TNKS: variants seen among roughly 807,000 people sequenced by gnomAD.
TNKS encodes the protein tankyrase, also known as poly [ADP-ribose] polymerase tankyrase-1.
A neutral mutation model predicts 135.8 loss-of-function variants in TNKS; 72 were observed. That is an observed-to-expected ratio of 0.53 (90% CI 0.44 to 0.64). The LOEUF (loss-of-function observed/expected upper bound fraction) is 0.64, where lower values mean the gene tolerates loss of function less well. Among genes scored for constraint, TNKS ranks in the 30% least tolerant of loss-of-function variants. The probability of loss-of-function intolerance (pLI) is 0.00; values close to 1 mark genes in which losing one functional copy is unlikely to be tolerated. For missense variants in TNKS, 1,769 were observed against 1,674.0 expected, an observed-to-expected ratio of 1.06 and a Z score of -0.99; for synonymous variants, 849 against 649.3, an observed-to-expected ratio of 1.31 and a Z score of -4.68.
intron 5 of TNKS, chr8:9,681,106 A>T (rs539737868): frequency 4.6e-6 from 1 of 215,062 alleles, no homozygotes; most frequent in East Asian, 9.9e-5. Flanking sequence ...ATGATAATGG[A>T]AACTGGAAAT....
At chr8:9,664,839 A>G (rs762579984) in intron 3 of TNKS, among the ~76,000 whole-genome samples, 1 of 152,224 alleles carries the variant, frequency 6.6e-6, no homozygotes, top group African/African-American at 2.4e-5. Context: ...GAGGTTAGCT[A>G]ATCTAACCTT....
chr8:9,662,849 C>T (rs1009072105), intron 3 of TNKS, among the ~76,000 whole-genome samples: 2 of 152,176 alleles, frequency 1.3e-5, no homozygotes, highest in African/African-American at 4.8e-5. Flanking sequence ...CTGCCATTTA[C>T]TAGTTGTGGT....
intron 5 of TNKS, among the ~76,000 whole-genome samples, chr8:9,701,185 C>T (rs1048657138): frequency 5.3e-5 from 8 of 152,162 alleles, no homozygotes; most frequent in Non-Finnish European, 1.0e-4. Context: ...GATCCGCCCG[C>T]CTCAGCCTCC....
chr8:9,770,997 C>T (rs1430072307), intron 26 of TNKS, among the ~76,000 whole-genome samples: 1 of 152,066 alleles, frequency 6.6e-6, no homozygotes, highest in Non-Finnish European at 1.5e-5. Flanking sequence ...AAGAAAGACT[C>T]TAAGGGTGGA....
chr8:9,764,310 A>G (rs1035347231), intron 22 of TNKS, among the ~76,000 whole-genome samples: 9 of 152,102 alleles, frequency 5.9e-5, no homozygotes, highest in African/African-American at 1.9e-4. Context: ...TTGAGATAAT[A>G]TGGAATATTT....
chr8:9,655,646 C>T (rs958087684), intron 3 of TNKS, among the ~76,000 whole-genome samples: 10 of 152,168 alleles, frequency 6.6e-5, no homozygotes, highest in African/African-American at 2.4e-4. Context: ...CTGGAGTGGA[C>T]CTCCAGCAAA....
intron 3 of TNKS, among the ~76,000 whole-genome samples, chr8:9,650,553 A>G (rs1216294759): frequency 6.6e-6 from 1 of 152,030 alleles, no homozygotes; most frequent in African/African-American, 2.4e-5. Context: ...TTTAATTTGC[A>G]TTTCCCTGAT....
chr8:9,697,231 G>A (rs949709631), intron 5 of TNKS, among the ~76,000 whole-genome samples: 1 of 152,184 alleles, frequency 6.6e-6, no homozygotes, highest in African/African-American at 2.4e-5. Context: ...ATAGTGCTGG[G>A]ATAGTTGGCT....
intron 12 of TNKS, among the ~76,000 whole-genome samples, chr8:9,722,928 A>G (rs1804964680): frequency 6.8e-6 from 1 of 146,518 alleles, no homozygotes; most frequent in Non-Finnish European, 1.5e-5. Flanking sequence ...CAGTTAGAAT[A>G]TATGAGTTCT....
At chr8:9,715,664 C>T (rs1482569550) in intron 11 of TNKS, among the ~76,000 whole-genome samples, 1 of 152,056 alleles carries the variant, frequency 6.6e-6, no homozygotes, top group East Asian at 1.9e-4. Context: ...GGCTGTGGCT[C>T]TAGAGGGGAA....
intron 20 of TNKS, among the ~76,000 whole-genome samples, chr8:9,754,795 A>G (rs980373430): frequency 6.6e-6 from 1 of 152,140 alleles, no homozygotes; most frequent in Non-Finnish European, 1.5e-5. Flanking sequence ...CTTTGCGTCT[A>G]ATGGTTAGGA....
In TNKS at chr8:9,748,213, G is replaced by A; in HGVS notation, c.2832+1G>A. 1 of 1,532,372 alleles carries A rather than the reference G, an allele frequency of 6.5e-7. No homozygotes were observed. Among genetic ancestry groups the A allele is most frequent in the Non-Finnish European group, 8.8e-7 (1 of 1,137,430 alleles). 94.9% of individuals were successfully genotyped at this position (1,532,372 alleles called of 1,614,324 possible). ...CCAGACGCCTCTGGATCTGGCAACAGTAAGTCCTCATTTCAGATACTGATT... is the reference window on the plus strand; with the variant it reads ...CCAGACGCCTCTGGATCTGGCAACAATAAGTCCTCATTTCAGATACTGATT... On this transcript the variant is annotated splice_donor_variant, in intron 18 of 26. Coordinates refer to ENST00000310430, the MANE Select transcript of TNKS (RefSeq NM_003747.3). LOFTEE classifies it high-confidence loss of function.
chr8:9,759,683 G>C (rs1342362084), intron 20 of TNKS, among the ~76,000 whole-genome samples: 2 of 152,084 alleles, frequency 1.3e-5, no homozygotes, highest in Admixed American at 6.5e-5. Context: ...ATCCAGAAAA[G>C]TCTGACGAGG....
Position 9,781,622 on chromosome 8 carries a change from G to C in TNKS, c.*4886G>C, listed in dbSNP as rs1808460230. On this transcript the variant is annotated 3_prime_UTR_variant, in exon 27 of 27. Coordinates refer to ENST00000310430, the MANE Select transcript of TNKS (RefSeq NM_003747.3). The stretch of plus-strand genomic sequence containing the variant: ...CTCATCTTATCTTTGTAGTAGTAAT[G>C]TTTGTCTTTGATACCTACAAACTAA... The C allele has an allele frequency of 6.5e-6, 1 of 152,672 alleles. No individual in the cohort carries two copies. The highest frequency in any genetic ancestry group is 2.4e-5 in the African/African-American group (1 of 41,546). The allele number at this position is 152,672 out of a possible 1,614,324, so 9.5% of individuals were successfully genotyped here.
intron 2 of TNKS, among the ~76,000 whole-genome samples, chr8:9,587,936 T>C (rs1798450986): frequency 6.6e-6 from 1 of 152,192 alleles, no homozygotes; most frequent in Non-Finnish European, 1.5e-5. Context: ...TAAAACTGCT[T>C]TCTTGGAAAT....
intron 19 of TNKS, 81 bp downstream of exon 19, chr8:9,751,927 G>T: frequency 7.9e-7 from 1 of 1,258,324 alleles, no homozygotes; most frequent in East Asian, 2.3e-5. Context: ...GATAACTATT[G>T]AATGCCTCAA....
At chr8:9,592,063 GC>G (rs1798610049) in intron 2 of TNKS, among the ~76,000 whole-genome samples, 1 of 152,086 alleles carries the variant, frequency 6.6e-6, no homozygotes, top group Non-Finnish European at 1.5e-5. Flanking sequence ...AACAGTAAAA[GC>G]CAGGTGGACT....
At chr8:9,637,657 A>T (rs538489367) in intron 3 of TNKS, among the ~76,000 whole-genome samples, 3 of 152,200 alleles carry the variant, frequency 2.0e-5, no homozygotes, top group African/African-American at 7.2e-5. Context: ...AAATTTTGTG[A>T]ATTTGTTTAC....
chr8:9,748,117 A>G lies in TNKS; in HGVS notation c.2737A>G (p.Lys913Glu). 6.2e-7 allele frequency: 1 copy of G among 1,614,206 alleles called. No homozygotes were observed. Among genetic ancestry groups the G allele is most frequent in the Non-Finnish European group, 8.5e-7 (1 of 1,180,028 alleles). Residue 913 changes from lysine to glutamate, a missense_variant, in exon 18 of 27, where the codon AAA becomes GAA. Transcript: ENST00000310430. ...AFTPLHEAAQ[K>E]GRTQLCALLL... ...TACTCCCCTCCATGAAGCAGCCCAG[A>G]AAGGAAGGACGCAGCTGTGCGCCCT...
Sources: allele counts gnomAD v4.1 joint callset (sites outside exome capture counted in the v4.1 genomes callset), GRCh38; gene constraint gnomAD v4.1.1; transcripts MANE v1.5; gene names NCBI Gene and HGNC (gene_info 2026-07-23, HGNC 2026-07-21).